The following DNAJC6 variants were observed in gnomAD, a reference collection of about 807,000 sequenced individuals.
The protein encoded by DNAJC6 is auxilin.
Under a neutral mutation model 110.0 loss-of-function variants are expected in DNAJC6, and 34 were observed. The observed-to-expected ratio is 0.31, with a 90% CI of 0.24 to 0.41. The LOEUF (loss-of-function observed/expected upper bound fraction) is 0.41, where lower values mean the gene tolerates loss of function less well. DNAJC6 is among the 10% of genes least tolerant of loss of function. The pLI, the probability that DNAJC6 is intolerant of heterozygous loss-of-function variation, is 1.00. For synonymous variants in DNAJC6, 406 were observed against 437.2 expected, an observed-to-expected ratio of 0.93 and a Z score of 0.89; for missense variants, 1,031 against 1,207.8, an observed-to-expected ratio of 0.85 and a Z score of 2.17.
At chr1:65,292,283 G>T (rs968991687) in intron 1 of DNAJC6, among the ~76,000 whole-genome samples, 1 of 149,866 alleles carries the variant, frequency 6.7e-6, no homozygotes, top group African/African-American at 2.5e-5. Flanking sequence ...CTCCCAAAGT[G>T]CTGGGATTAC....
At chr1:65,282,744 T>C (rs1653893036) in intron 1 of DNAJC6, among the ~76,000 whole-genome samples, 1 of 152,190 alleles carries the variant, frequency 6.6e-6, no homozygotes, top group Non-Finnish European at 1.5e-5. Flanking sequence ...CTGCAGTTTG[T>C]AGGGAATGAG....
upstream of DNAJC6, among the ~76,000 whole-genome samples, chr1:65,305,718 A>G (rs1410035984): frequency 1.3e-5 from 2 of 151,940 alleles, no homozygotes; most frequent in Non-Finnish European, 2.9e-5. Context: ...TTAAAAACTC[A>G]GGGCAAAACA....
chr1:65,278,253 C>G (rs1653738050), intron 1 of DNAJC6, among the ~76,000 whole-genome samples: 2 of 152,144 alleles, frequency 1.3e-5, no homozygotes, highest in Admixed American at 6.5e-5. Context: ...TGTTTTTGAT[C>G]ACTTATGTGC....
upstream of DNAJC6, among the ~76,000 whole-genome samples, chr1:65,308,340 C>T (rs1645064026): frequency 6.6e-6 from 1 of 152,176 alleles, no homozygotes; most frequent in South Asian, 2.1e-4. Context: ...TGACGGGCGC[C>T]TCACTTAGTC....
intron 1 of DNAJC6, among the ~76,000 whole-genome samples, chr1:65,266,146 C>G (rs1037722779): frequency 1.3e-5 from 2 of 152,252 alleles, no homozygotes; most frequent in Non-Finnish European, 2.9e-5. Flanking sequence ...GGCCCCAAAG[C>G]TCTCTGCGCG....
chr1:65,368,752 T>C (rs1273190590), intron 4 of DNAJC6, among the ~76,000 whole-genome samples: 233 of 97,502 alleles, frequency 2.4e-3, no homozygotes, highest in Non-Finnish European at 3.1e-3. Flanking sequence ...TCCCCTCCCC[T>C]CCCTTCTCTT....
chr1:65,291,243 G>T (rs980274329), intron 1 of DNAJC6, among the ~76,000 whole-genome samples: 2 of 152,158 alleles, frequency 1.3e-5, no homozygotes. Flanking sequence ...ATGTTGACCA[G>T]GCTGGTCTCG....
chr1:65,381,884 C>T (rs888044656), intron 5 of DNAJC6, among the ~76,000 whole-genome samples: 1 of 152,164 alleles, frequency 6.6e-6, no homozygotes, highest in African/African-American at 2.4e-5. Context: ...TGGTAGGTAG[C>T]AAGATAGTAC....
chr1:65,349,094 A>ATG (rs1361042178), intron 1 of DNAJC6, among the ~76,000 whole-genome samples: 2 of 142,516 alleles, frequency 1.4e-5, no homozygotes, highest in East Asian at 4.0e-4. Flanking sequence ...ATATGTAAAT[A>ATG]TATATATAAA....
At chr1:65,296,111 C>T (rs949764562) in intron 1 of DNAJC6, among the ~76,000 whole-genome samples, 8 of 152,156 alleles carry the variant, frequency 5.3e-5, no homozygotes, top group African/African-American at 1.9e-4. Context: ...ATAGTCTATA[C>T]CACATGGGCA....
At chr1:65,319,537 A>G (rs1340072451) in intron 1 of DNAJC6, among the ~76,000 whole-genome samples, 5 of 152,166 alleles carry the variant, frequency 3.3e-5, no homozygotes, top group African/African-American at 1.2e-4. Context: ...TTGCTTGTTG[A>G]TGGAGGCACA....
At chr1:65,364,301 G>A (rs929122733) in intron 1 of DNAJC6, among the ~76,000 whole-genome samples, 1 of 151,838 alleles carries the variant, frequency 6.6e-6, no homozygotes, top group Non-Finnish European at 1.5e-5. Flanking sequence ...CAAGCCTTTG[G>A]AATGTGTTGT....
chr1:65,365,847 A>G (rs370371581), intron 2 of DNAJC6, 38 bp from the exon 3 acceptor site: 43 of 1,603,890 alleles, frequency 2.7e-5, no homozygotes, highest in Non-Finnish European at 3.6e-5. Context: ...GCATATTTGG[A>G]TCATTTTAAT....
intron 1 of DNAJC6, among the ~76,000 whole-genome samples, chr1:65,354,440 G>A (rs1184058229): frequency 1.3e-5 from 2 of 152,200 alleles, no homozygotes; most frequent in Non-Finnish European, 2.9e-5. Context: ...TTAGCTGAGT[G>A]TCTAGCCTAG....
chr1:65,374,203 G>T (rs1645737123), intron 4 of DNAJC6, among the ~76,000 whole-genome samples: 1 of 152,128 alleles, frequency 6.6e-6, no homozygotes. Context: ...AAACTTTGAA[G>T]TCAGATGATG....
At chr1:65,398,693 C>A in intron 13 of DNAJC6, 120 bp from the exon 14 acceptor site, 1 of 906,190 alleles carries the variant, frequency 1.1e-6, no homozygotes, top group Non-Finnish European at 1.7e-6. Context: ...GAGTGGATAT[C>A]TTGGGATCTT....
At chr1:65,316,084 A>C (rs776043955) in intron 1 of DNAJC6, among the ~76,000 whole-genome samples, 3 of 152,234 alleles carry the variant, frequency 2.0e-5, no homozygotes, top group Non-Finnish European at 4.4e-5. Flanking sequence ...GAAGCATTAT[A>C]TATTTTTGGA....
chr1:65,290,086 T>TTTGGGATTACCTCCCAAAGTG (rs1313255226), intron 1 of DNAJC6, among the ~76,000 whole-genome samples: 1 of 152,106 alleles, frequency 6.6e-6, no homozygotes, highest in East Asian at 1.9e-4. Context: ...CTGGGATTAC[T>TTTGGGATTACCTCCCAAAGTG]GGTATGAGCC....
intron 1 of DNAJC6, among the ~76,000 whole-genome samples, chr1:65,350,111 A>G (rs1645477340): frequency 6.6e-6 from 1 of 152,134 alleles, no homozygotes; most frequent in Non-Finnish European, 1.5e-5. Context: ...TGGAAATAAA[A>G]TAGTTTTTCT....
Sources: gnomAD v4.1 joint callset for allele counts (sites outside exome capture counted in the v4.1 genomes callset) on GRCh38, gnomAD v4.1.1 for gene constraint, MANE v1.5 for transcripts, NCBI Gene and HGNC (gene_info 2026-07-23, HGNC 2026-07-21) for gene names.